Variants in LTBP1 observed in about 807,000 individuals in gnomAD.
LTBP1 encodes latent transforming growth factor beta binding protein 1.
A neutral mutation model predicts 207.6 loss-of-function variants in LTBP1; 129 were observed. The ratio of observed to expected loss-of-function variants is 0.62; its 90% CI spans 0.54 to 0.72. LTBP1 has a LOEUF of 0.72. Among genes scored for constraint, LTBP1 ranks in the 30% least tolerant of loss-of-function variants. The pLI, the probability that LTBP1 is intolerant of heterozygous loss-of-function variation, is 0.00. For synonymous variants in LTBP1, 963 were observed against 833.7 expected (o/e 1.16, Z -2.67); for missense variants, 2,281 against 2,217.2 (o/e 1.03, Z -0.58).
intron 3 of LTBP1, among the ~76,000 whole-genome samples, chr2:33,036,982 C>T (rs1455604182): frequency 6.6e-6 from 1 of 152,066 alleles, no homozygotes; most frequent in African/African-American, 2.4e-5. Context: ...ATTGATCATG[C>T]TTTCTTTATA....
At chr2:32,963,370 AT>A (rs35409873) in intron 2 of LTBP1, among the ~76,000 whole-genome samples, 101 of 146,430 alleles carry the variant, frequency 6.9e-4, no homozygotes, top group East Asian at 3.8e-3. Context: ...ATGCCCAGCT[AT>A]TTTTTTTTTT....
chr2:33,120,210 T>C (rs763402618), intron 4 of LTBP1, among the ~76,000 whole-genome samples: 6 of 149,220 alleles, frequency 4.0e-5, no homozygotes, highest in Non-Finnish European at 6.0e-5. Context: ...CTTTTAGGTT[T>C]AGGGGTACAT....
At chr2:33,364,467 G>T in intron 30 of LTBP1, 111 bp downstream of exon 30, 1 of 1,069,382 alleles carries the variant, frequency 9.4e-7, no homozygotes. Context: ...TGGGTATTTT[G>T]AAATAACTAA....
At chr2:33,100,564 G>C (rs2079665887) in intron 3 of LTBP1, among the ~76,000 whole-genome samples, 1 of 151,398 alleles carries the variant, frequency 6.6e-6, no homozygotes, top group African/African-American at 2.4e-5. Context: ...TGTAAAACTT[G>C]CCATCTTAAC....
At chr2:33,258,554 C>T (rs2092922933) in intron 12 of LTBP1, among the ~76,000 whole-genome samples, 1 of 152,172 alleles carries the variant, frequency 6.6e-6, no homozygotes, top group South Asian at 2.1e-4. Context: ...GGCAAAACCT[C>T]AGCTGGAATC....
intron 24 of LTBP1, among the ~76,000 whole-genome samples, chr2:33,320,353 G>A (rs1461223027): frequency 2.0e-5 from 3 of 147,936 alleles, no homozygotes; most frequent in Non-Finnish European, 4.4e-5. Flanking sequence ...TGGTGACAGA[G>A]CAAGACTGCC....
intron 3 of LTBP1, among the ~76,000 whole-genome samples, chr2:33,099,044 A>G (rs370386589): frequency 3.3e-5 from 5 of 152,208 alleles, no homozygotes; most frequent in East Asian, 1.9e-4. Flanking sequence ...CTCCAGACAT[A>G]TTGAAATAAG....
intron 5 of LTBP1, among the ~76,000 whole-genome samples, chr2:33,177,042 G>T (rs1242721996): frequency 6.6e-6 from 1 of 152,014 alleles, no homozygotes; most frequent in African/African-American, 2.4e-5. Flanking sequence ...GAAGAAGTGG[G>T]GTAGAAAAAC....
chr2:33,199,006 G>A (rs2088891756), intron 7 of LTBP1, among the ~76,000 whole-genome samples: 1 of 151,990 alleles, frequency 6.6e-6, no homozygotes. Flanking sequence ...GTCAGTTTTG[G>A]ATCTTTCCTG....
At chr2:33,325,129 A>G (rs2094410465) in intron 24 of LTBP1, among the ~76,000 whole-genome samples, 1 of 152,040 alleles carries the variant, frequency 6.6e-6, no homozygotes, top group Non-Finnish European at 1.5e-5. Flanking sequence ...ACTCTTTTCC[A>G]TTCACCCACA....
intron 3 of LTBP1, among the ~76,000 whole-genome samples, chr2:33,031,992 C>CT (rs1395778742): frequency 6.6e-6 from 1 of 152,132 alleles, no homozygotes; most frequent in East Asian, 1.9e-4. Flanking sequence ...TGTGGAGTGT[C>CT]TGTCTTGCAC....
At chr2:33,395,822 A>G (rs2095353276) in intron 32 of LTBP1, among the ~76,000 whole-genome samples, 1 of 151,830 alleles carries the variant, frequency 6.6e-6, no homozygotes, top group East Asian at 1.9e-4. Flanking sequence ...TGCCCTCCAT[A>G]AGCAATGATA....
At chr2:33,220,618 C>G (rs1156670787) in intron 8 of LTBP1, among the ~76,000 whole-genome samples, 1 of 152,236 alleles carries the variant, frequency 6.6e-6, no homozygotes, top group African/African-American at 2.4e-5. Flanking sequence ...TGGTCTGGCT[C>G]TCTGCCTTCA....
At chr2:33,353,865 T>C (rs1559056765) in intron 26 of LTBP1, among the ~76,000 whole-genome samples, 1 of 151,012 alleles carries the variant, frequency 6.6e-6, no homozygotes, top group South Asian at 2.1e-4. Flanking sequence ...TACGCCTTTT[T>C]TTTTTTTTTT....
intron 3 of LTBP1, among the ~76,000 whole-genome samples, chr2:33,031,191 TTGAC>T (rs1457680991): frequency 6.6e-6 from 1 of 152,212 alleles, no homozygotes; most frequent in East Asian, 1.9e-4. Flanking sequence ...CTGTTACTCA[TTGAC>T]TGGGTAATTT....
chr2:33,145,301 G>A (rs528113643), intron 5 of LTBP1, among the ~76,000 whole-genome samples: 3 of 151,906 alleles, frequency 2.0e-5, no homozygotes, highest in African/African-American at 4.8e-5. Context: ...GAGAGATTTC[G>A]TTACTCTGAG....
chr2:32,952,097 G>T (rs931445932), intron 2 of LTBP1, among the ~76,000 whole-genome samples: 2 of 152,236 alleles, frequency 1.3e-5, no homozygotes, highest in African/African-American at 4.8e-5. Context: ...GAGGTTGGAA[G>T]TGTTCATGTT....
chr2:33,110,649 C>G lies in LTBP1; in HGVS notation c.931C>G (p.Pro311Ala), dbSNP rs780362310. 1 of 1,614,166 alleles carries G rather than the reference C, an allele frequency of 6.2e-7. No homozygotes were observed. Among genetic ancestry groups the G allele is most frequent in the Non-Finnish European group, 8.5e-7 (1 of 1,180,014 alleles). ...HGQTQEYVLK[P>A]KYFPAQKGIS... is the part of the protein sequence containing the mutation. ...CCAGACCCAGGAATACGTGCTCAAG[C>G]CCAAGTACTTTCCAGCCCAGAAGGG... is the stretch of plus-strand genomic sequence containing the variant. Residue 311 changes from proline to alanine, a missense_variant, in exon 4 of 34, where the codon CCC becomes GCC. Pro to Ala is a conservative substitution (Grantham distance 27). Around this residue, in one of 3 missense-constraint regions of LTBP1, gnomAD observed 555 missense variants for 491.0 expected, o/e 1.13. Coordinates refer to ENST00000404816, the MANE Select transcript of LTBP1 (RefSeq NM_206943.4).
chr2:33,361,392 T>G, intron 27 of LTBP1, 37 bp from the exon 28 acceptor site: 1 of 1,305,858 alleles, frequency 7.7e-7, no homozygotes, highest in Non-Finnish European at 1.0e-6. Flanking sequence ...TGGAAGATGT[T>G]GAATCTTTTT....
Sources: allele counts gnomAD v4.1 joint callset (sites outside exome capture counted in the v4.1 genomes callset), GRCh38; gene constraint gnomAD v4.1.1; regional missense constraint gnomAD v4.1.1; transcripts MANE v1.5; gene names NCBI Gene and HGNC (gene_info 2026-07-23, HGNC 2026-07-21).